Variants in CAB39 observed in about 807,000 individuals in gnomAD.
The protein encoded by CAB39 is calcium binding protein 39.
CAB39 carries 8 observed loss-of-function variants against 40.0 expected under a neutral mutation model. That is an observed-to-expected ratio of 0.20 (90% CI 0.12 to 0.36). The LOEUF (loss-of-function observed/expected upper bound fraction) is 0.36, where lower values mean the gene tolerates loss of function less well. CAB39 is among the 10% of genes least tolerant of loss of function. The pLI, the probability that CAB39 is intolerant of heterozygous loss-of-function variation, is 1.00. For synonymous variants in CAB39, 156 were observed against 141.6 expected, an observed-to-expected ratio of 1.10 and a Z score of -0.72; for missense variants, 270 against 401.1, an observed-to-expected ratio of 0.67 and a Z score of 2.79.
intron 1 of CAB39, among the ~76,000 whole-genome samples, chr2:230,759,109 G>T (rs572568102): frequency 3.3e-5 from 5 of 152,280 alleles, no homozygotes; most frequent in African/African-American, 9.6e-5. Flanking sequence ...TTTATCCAGC[G>T]AGTTCTTTCA....
chr2:230,788,435 G>A (rs1165536443), intron 2 of CAB39, among the ~76,000 whole-genome samples: 1 of 151,922 alleles, frequency 6.6e-6, no homozygotes. Context: ...TATAACCCCA[G>A]AATACGTTGT....
At chr2:230,789,493 G>A (rs997593748) in intron 2 of CAB39, among the ~76,000 whole-genome samples, 6 of 152,158 alleles carry the variant, frequency 3.9e-5, no homozygotes, top group African/African-American at 1.4e-4. Context: ...GATTAATTTT[G>A]TATGCCTACT....
intron 5 of CAB39, among the ~76,000 whole-genome samples, chr2:230,804,099 C>G (rs61142155): frequency 6.6e-6 from 1 of 151,996 alleles, no homozygotes; most frequent in Non-Finnish European, 1.5e-5. Context: ...ACACCGCACA[C>G]CTACAACCAT....
At chr2:230,802,836 G>T (rs184035090) in intron 5 of CAB39, among the ~76,000 whole-genome samples, 21 of 152,282 alleles carry the variant, frequency 1.4e-4, no homozygotes, top group Admixed American at 1.2e-3. Context: ...GGTACAAGGA[G>T]AAGCTGGTAC....
intron 7 of CAB39, among the ~76,000 whole-genome samples, chr2:230,814,566 T>C (rs1423401129): frequency 6.6e-6 from 1 of 152,164 alleles, no homozygotes; most frequent in Non-Finnish European, 1.5e-5. Flanking sequence ...GTTAGAATGT[T>C]AAATTTAAGA....
intron 1 of CAB39, among the ~76,000 whole-genome samples, chr2:230,748,831 A>AAATATAT (rs1386799920): frequency 2.1e-4 from 6 of 28,498 alleles, no homozygotes; most frequent in African/African-American, 3.8e-4. Context: ...AAAAAAAAAA[A>AAATATAT]ATATATATAT....
At chr2:230,784,511 T>G (rs188333224) in intron 2 of CAB39, among the ~76,000 whole-genome samples, 40 of 152,262 alleles carry the variant, frequency 2.6e-4, no homozygotes, top group Non-Finnish European at 5.0e-4. Flanking sequence ...GTACCCTGCC[T>G]TGCGGGATTC....
chr2:230,737,447 G>C (rs1321608473), intron 1 of CAB39, among the ~76,000 whole-genome samples: 1 of 152,164 alleles, frequency 6.6e-6, no homozygotes, highest in Non-Finnish European at 1.5e-5. Flanking sequence ...AAGCCACTAT[G>C]AGTCTGAGAG....
chr2:230,812,114 G>GAA (rs781777437), intron 6 of CAB39, among the ~76,000 whole-genome samples: 53 of 152,310 alleles, frequency 3.5e-4, no homozygotes, highest in Non-Finnish European at 6.6e-4. Flanking sequence ...AGCGTAGAAA[G>GAA]AAATAAAACA....
At chr2:230,789,585 T>G (rs1175407704) in intron 2 of CAB39, among the ~76,000 whole-genome samples, 1 of 152,212 alleles carries the variant, frequency 6.6e-6, no homozygotes, top group Non-Finnish European at 1.5e-5. Context: ...CAGGAGCTAT[T>G]TCCAGCCCCA....
intron 1 of CAB39, among the ~76,000 whole-genome samples, chr2:230,717,554 ACTT>A (rs1694372696): frequency 6.6e-6 from 1 of 152,174 alleles, no homozygotes; most frequent in South Asian, 2.1e-4. Context: ...TGAAGCAAAT[ACTT>A]CTGCCGTCAC....
intron 1 of CAB39, among the ~76,000 whole-genome samples, chr2:230,739,390 A>G (rs956595454): frequency 6.6e-6 from 1 of 152,278 alleles, no homozygotes; most frequent in Non-Finnish European, 1.5e-5. Context: ...GTAAAACTAA[A>G]GATGGCAGAT....
chr2:230,727,416 CTTT>C (rs1254776167), intron 1 of CAB39, among the ~76,000 whole-genome samples: 3 of 84,742 alleles, frequency 3.5e-5, no homozygotes, highest in Non-Finnish European at 2.3e-5. Context: ...TTTTCTTTTT[CTTT>C]TTTTTTTTTT....
chr2:230,767,178 A>G (rs1448898739), intron 2 of CAB39, among the ~76,000 whole-genome samples: 10 of 152,238 alleles, frequency 6.6e-5, no homozygotes, highest in Non-Finnish European at 1.2e-4. Context: ...TCTGTTTTGA[A>G]GCAAAATGCA....
chr2:230,817,713 T>C, intron 7 of CAB39, 41 bp from the exon 8 acceptor site: 2 of 1,485,784 alleles, frequency 1.3e-6, no homozygotes, highest in Non-Finnish European at 9.1e-7. Context: ...GATTTTTCTT[T>C]AAGTTTTAAT....
At chr2:230,799,645 C>A (rs2124967485) in intron 5 of CAB39, among the ~76,000 whole-genome samples, 1 of 152,312 alleles carries the variant, frequency 6.6e-6, no homozygotes, top group East Asian at 1.9e-4. Flanking sequence ...GGTTACATTC[C>A]CTTATATAAA....
At chr2:230,715,132 C>A (rs947899685) in intron 1 of CAB39, among the ~76,000 whole-genome samples, 16 of 152,108 alleles carry the variant, frequency 1.1e-4, no homozygotes, top group African/African-American at 3.6e-4. Context: ...CATATGTATA[C>A]ACACACACAT....
intron 6 of CAB39, among the ~76,000 whole-genome samples, chr2:230,813,494 TTCGTTG>T (rs1224194605): frequency 2.6e-5 from 4 of 152,186 alleles, no homozygotes; most frequent in Non-Finnish European, 5.9e-5. Flanking sequence ...AAGCCCCACC[TTCGTTG>T]TCGGCCTGGT....
chr2:230,752,037 C>T (rs1019640169), intron 1 of CAB39: 1 of 93,784 alleles, frequency 1.1e-5, no homozygotes, highest in East Asian at 3.9e-4. Context: ...CCACCCCCCC[C>T]CCCCCCACAT....
Sources: allele counts gnomAD v4.1 joint callset (sites outside exome capture counted in the v4.1 genomes callset), GRCh38; gene constraint gnomAD v4.1.1; transcripts MANE v1.5; gene names NCBI Gene and HGNC (gene_info 2026-07-23, HGNC 2026-07-21).